The following ADAMTS7 variants were observed in gnomAD, a reference collection of about 807,000 sequenced individuals.
ADAMTS7 encodes the protein A disintegrin and metalloproteinase with thrombospondin motifs 7.
ADAMTS7 carries 89 observed loss-of-function variants against 172.6 expected under a neutral mutation model. The observed-to-expected ratio is 0.52, with a 90% CI of 0.43 to 0.61. The LOEUF is 0.61. ADAMTS7 is among the 20% of genes least tolerant of loss of function. The pLI, the probability that ADAMTS7 is intolerant of heterozygous loss-of-function variation, is 0.00. For missense variants in ADAMTS7, 1,973 were observed against 2,355.6 expected (o/e 0.84, Z 3.36); for synonymous variants, 885 against 978.4 (o/e 0.90, Z 1.78).
At chr15:78,800,580 A>G (rs2055711927) in intron 1 of ADAMTS7, 33 bp from the exon 2 acceptor site, 1 of 1,556,366 alleles carries the variant, frequency 6.4e-7, no homozygotes, top group Non-Finnish European at 8.7e-7. Flanking sequence ...GCCTAGGCCC[A>G]GGGCAGACCC....
At position 78,771,957 on chromosome 15, in the gene ADAMTS7, C is replaced by T. The variant is rs2055258658; in HGVS notation, c.2132-128G>A. ...GCCAAAGCTTTAAAGTCTGAGCTCC[C>T]TAAATTGCTCGGATCTGTCATGGGT... On this transcript the variant is annotated intron_variant, in intron 14 of 23. Transcript: ENST00000388820. This position sits in a 1 kb window ranked among gnomAD's most constrained non-coding sequence, Gnocchi z 4.9. 7.3e-7 allele frequency: 1 copy of T among 1,375,056 alleles called. No homozygotes were observed. Among genetic ancestry groups the T allele is most frequent in the South Asian group, 1.4e-5 (1 of 69,434 alleles). 85.2% of individuals were successfully genotyped at this position (1,375,056 alleles called of 1,614,324 possible). A position where few individuals can be genotyped will look rare whatever the true frequency, so the allele number is the denominator to read the frequency against.
chr15:78,770,960 C>T, intron 16 of ADAMTS7: 1 of 698,482 alleles, frequency 1.4e-6, no homozygotes, highest in Non-Finnish European at 2.4e-6. Flanking sequence ...AGCCAGCACC[C>T]ACCTGCCTCA....
At position 78,765,992 on chromosome 15, in the gene ADAMTS7, C is replaced by T. The variant is rs769214402; in HGVS notation, c.3919G>A (p.Asp1307Asn). 2.5e-6 allele frequency: 4 copies of T among 1,599,958 alleles called. No individual in the cohort carries two copies. The highest frequency in any genetic ancestry group is 1.8e-5 in the Admixed American group (1 of 56,634). The change falls in exon 19 of 24, where the codon GAC (aspartate) becomes AAC (asparagine). Residue 1307 changes from aspartate to asparagine, a missense_variant. By Grantham distance (23) the Asp-to-Asn change is conservative (BLOSUM62 1). Coordinates refer to ENST00000388820, the MANE Select transcript of ADAMTS7 (RefSeq NM_014272.5). The part of the protein sequence containing the change: ...IAPLPEMKVR[D>N]SSLEPGTPSF... ...GGAGTCCCCGGCTCCAGGGAACTGTCCCTGACCTTCATCTCTGGCAGAGGG... is the reference window on the plus strand; with the variant it reads ...GGAGTCCCCGGCTCCAGGGAACTGTTCCTGACCTTCATCTCTGGCAGAGGG...
chr15:78,776,406 G>A (rs554309115), intron 10 of ADAMTS7, 73 bp from the exon 11 acceptor site: 34 of 1,546,114 alleles, frequency 2.2e-5, no homozygotes, highest in Non-Finnish European at 3.0e-5. Context: ...GTGAGAACAA[G>A]GTGGGTGGGA....
rs751554551 is a variant in ADAMTS7 at position 78,759,400 on chromosome 15, G to A, written c.*21C>T. 4.5e-5 allele frequency: 71 copies of A among 1,574,880 alleles called. No homozygotes were observed. Among genetic ancestry groups the A allele is most frequent in the Middle Eastern group, 2.3e-4 (1 of 4,366 alleles). ...TGGTGGGCACTGAGGTCTGTCGGTC[G>A]GTCTGTGCATCCTGGCGCAGTCAGC... On this transcript the variant is annotated 3_prime_UTR_variant, in exon 24 of 24. Transcript: ENST00000388820.
At chr15:78,796,375 C>T in intron 4 of ADAMTS7, among the ~76,000 whole-genome samples, 1 of 152,128 alleles carries the variant, frequency 6.6e-6, no homozygotes, top group Non-Finnish European at 1.5e-5. Context: ...TATGGTGTCC[C>T]CACAGCAGCC....
intron 8 of ADAMTS7, among the ~76,000 whole-genome samples, chr15:78,780,770 C>T (rs1318399668): frequency 2.6e-5 from 4 of 152,254 alleles, no homozygotes; most frequent in Admixed American, 6.5e-5. Context: ...ACAGCAGCAC[C>T]CTTCTTCCTC....
Position 78,800,431 on chromosome 15 carries a change from A to C in ADAMTS7, c.217T>G (p.Ser73Ala). 2 of 1,610,786 alleles carry C rather than the reference A, an allele frequency of 1.2e-6. No individual in the cohort carries two copies. Among genetic ancestry groups the C allele is most frequent in the Non-Finnish European group, 1.7e-6 (2 of 1,178,904 alleles). The change falls in exon 2 of 24, where the codon TCT becomes GCT. Residue 73 changes from serine (S) to alanine (A), a missense_variant. By Grantham distance (99) the Ser-to-Ala change is moderately conservative. Around this residue, in one of 8 missense-constraint regions of ADAMTS7, gnomAD observed 306 missense variants for 288.0 expected, o/e 1.06. Transcript: ENST00000388820. ...AAGGCGGGCGCGTCTCGGCGCACAG[A>C]TACATCCCGCTTGCGCAGTGCGCGG... ...WPRALRKRDV[S>A]VRRDAPAFYE...
At chr15:78,797,798 C>T (rs1305556899) in intron 3 of ADAMTS7, 150 bp downstream of exon 3, 12 of 918,260 alleles carry the variant, frequency 1.3e-5, no homozygotes, top group Non-Finnish European at 1.7e-5. Flanking sequence ...CAATTAAGGG[C>T]ACAGGCTATG....
At position 78,774,254 on chromosome 15, in the gene ADAMTS7, G is replaced by C. The variant is rs564181061; in HGVS notation, c.1923C>G (p.Ala641=). The C allele has an allele frequency of 2.5e-6, 4 of 1,582,154 alleles. No homozygotes were observed. The South Asian group carries it at 4.5e-5, about 18-fold the overall frequency. ...CGACCACGGCGTCCCGCAGCTTCTC[G>C]GCAAAGTACTCATTCGCGGGCCGGC... The part of the protein sequence containing the change: ...LHCRPANEYF[A]EKLRDAVVDG... Residue 641 remains alanine, a synonymous_variant, in exon 13 of 24, where the codon GCC becomes GCG. Coordinates refer to ENST00000388820, the MANE Select transcript of ADAMTS7 (RefSeq NM_014272.5).
At chr15:78,769,154 C>A (rs2055207354) in intron 16 of ADAMTS7, among the ~76,000 whole-genome samples, 1 of 152,216 alleles carries the variant, frequency 6.6e-6, no homozygotes. Context: ...CATCCCCACA[C>A]CAGGCTTGGC....
At chr15:78,763,900 C>G (rs1397116847) in intron 21 of ADAMTS7, 26 bp downstream of exon 21, 2 of 1,561,216 alleles carry the variant, frequency 1.3e-6, no homozygotes, top group Non-Finnish European at 1.7e-6. Flanking sequence ...GCGTCCCCTC[C>G]CCCCAACTCA....
intron 1 of ADAMTS7, among the ~76,000 whole-genome samples, chr15:78,804,215 C>T (rs2055760302): frequency 1.3e-5 from 2 of 152,214 alleles, no homozygotes; most frequent in African/African-American, 4.8e-5. Flanking sequence ...TACTGGGCCT[C>T]AGTTTCCCCA....
At chr15:78,786,629 C>T (rs1314766452) in intron 8 of ADAMTS7, among the ~76,000 whole-genome samples, 10 of 152,182 alleles carry the variant, frequency 6.6e-5, no homozygotes, top group Non-Finnish European at 2.9e-5. Context: ...GTTCCTTCTC[C>T]TTTCAGTCTT....
At chr15:78,803,025 AC>A (rs2055746354) in intron 1 of ADAMTS7, among the ~76,000 whole-genome samples, 1 of 152,016 alleles carries the variant, frequency 6.6e-6, no homozygotes, top group Non-Finnish European at 1.5e-5. Context: ...AATAAAACAT[AC>A]AGGAGTACCA....
intron 1 of ADAMTS7, among the ~76,000 whole-genome samples, chr15:78,807,068 C>G (rs1010143972): frequency 6.6e-6 from 1 of 152,244 alleles, no homozygotes; most frequent in African/African-American, 2.4e-5. Flanking sequence ...TGCCCACCCT[C>G]CAACACTTGT....
At position 78,759,614 on chromosome 15, in the gene ADAMTS7, A is replaced by G. The variant is rs551561778; in HGVS notation, c.4904-36T>C. The G allele has an allele frequency of 2.2e-4, 340 of 1,525,572 alleles. No individual in the cohort carries two copies. In the Admixed American group the frequency reaches 2.5e-3, roughly 11 times the overall value. 94.5% of individuals were successfully genotyped at this position (1,525,572 alleles called of 1,614,324 possible). On this transcript the variant is annotated intron_variant, in intron 23 of 23. Coordinates refer to ENST00000388820, the MANE Select transcript of ADAMTS7 (RefSeq NM_014272.5). ...GGGGCAGAGAGGCATCAGAACCAGT[A>G]GCTTGGGGTACCCAGAACCTGGCTC...
chr15:78,773,486 C>A (rs1361500497), intron 13 of ADAMTS7, among the ~76,000 whole-genome samples: 1 of 151,756 alleles, frequency 6.6e-6, no homozygotes, highest in East Asian at 1.9e-4. Context: ...GCAAAGCCTG[C>A]GGGCAGGCAG....
intron 22 of ADAMTS7, 150 bp downstream of exon 22, chr15:78,763,549 G>A (rs2055084187): frequency 3.6e-6 from 4 of 1,103,016 alleles, no homozygotes; most frequent in Middle Eastern, 3.1e-4. Context: ...CCTGGCAGGT[G>A]TGAGCACCAG....
Sources: gnomAD v4.1 joint callset for allele counts (sites outside exome capture counted in the v4.1 genomes callset) on GRCh38, gnomAD v4.1.1 for gene constraint, gnomAD v4.1.1 regional missense constraint, Gnocchi (gnomAD v3.1) non-coding constraint, MANE v1.5 for transcripts, NCBI Gene and HGNC (gene_info 2026-07-23, HGNC 2026-07-21) for gene names.